The following CDH10 variants were observed in gnomAD, a reference collection of about 807,000 sequenced individuals.
The protein encoded by CDH10 is cadherin-10.
A neutral mutation model predicts 73.1 loss-of-function variants in CDH10; 30 were observed. The ratio of observed to expected loss-of-function variants is 0.41; its 90% CI spans 0.31 to 0.56. CDH10 has a LOEUF of 0.56. CDH10 is among the 20% of genes least tolerant of loss of function. The probability of loss-of-function intolerance (pLI) is 0.27; values close to 1 mark genes in which losing one functional copy is unlikely to be tolerated. For synonymous variants in CDH10, 345 were observed against 348.2 expected, an observed-to-expected ratio of 0.99 and a Z score of 0.10; for missense variants, 815 against 973.7, an observed-to-expected ratio of 0.84 and a Z score of 2.17.
At chr5:24,524,430 C>T (rs375658266) in intron 5 of CDH10, among the ~76,000 whole-genome samples, 19 of 152,216 alleles carry the variant, frequency 1.2e-4, no homozygotes, top group African/African-American at 4.6e-4. Context: ...TATGCGTACA[C>T]TGACAAAGGC....
chr5:24,601,054 A>G (rs953042810), intron 1 of CDH10, among the ~76,000 whole-genome samples: 21 of 152,132 alleles, frequency 1.4e-4, no homozygotes, highest in African/African-American at 4.6e-4. Context: ...AGAGCCATAT[A>G]TTAATATTAT....
chr5:24,500,278 C>G (rs1742442234), intron 8 of CDH10, among the ~76,000 whole-genome samples: 1 of 152,162 alleles, frequency 6.6e-6, no homozygotes, highest in African/African-American at 2.4e-5. Context: ...TAAGAACAGA[C>G]TGCTTAGCAG....
At chr5:24,506,072 G>T (rs1235225669) in intron 7 of CDH10, among the ~76,000 whole-genome samples, 15 of 147,610 alleles carry the variant, frequency 1.0e-4, no homozygotes, top group African/African-American at 3.3e-4. Context: ...AAGATTGCGT[G>T]CCACTGCACT....
chr5:24,501,315 A>C (rs1001985540), intron 8 of CDH10, among the ~76,000 whole-genome samples: 3 of 152,190 alleles, frequency 2.0e-5, no homozygotes, highest in African/African-American at 7.2e-5. Context: ...CAAGGCTCTT[A>C]AAATCAAAAG....
intron 1 of CDH10, chr5:24,613,028 T>C (rs1022621974): frequency 2.6e-5 from 4 of 152,120 alleles, no homozygotes; most frequent in Admixed American, 1.3e-4. Flanking sequence ...AGTAACTGAT[T>C]TGAGTGTCAT....
chr5:24,501,481 C>T (rs1444202335), intron 8 of CDH10, among the ~76,000 whole-genome samples: 2 of 152,168 alleles, frequency 1.3e-5, no homozygotes, highest in African/African-American at 4.8e-5. Context: ...AACTGAATAG[C>T]AGCTGGCATA....
At chr5:24,619,883 C>G (rs1008241984) in intron 1 of CDH10, among the ~76,000 whole-genome samples, 1 of 152,134 alleles carries the variant, frequency 6.6e-6, no homozygotes, top group African/African-American at 2.4e-5. Context: ...ACTGACTCTG[C>G]TCTCCTTCAT....
intron 5 of CDH10, among the ~76,000 whole-genome samples, chr5:24,511,865 T>G (rs763573871): frequency 2.6e-5 from 4 of 152,126 alleles, no homozygotes; most frequent in Non-Finnish European, 5.9e-5. Flanking sequence ...CCATTATCCT[T>G]AACACACTAA....
intron 2 of CDH10, among the ~76,000 whole-genome samples, chr5:24,570,058 G>A (rs949793303): frequency 6.6e-6 from 1 of 151,994 alleles, no homozygotes; most frequent in Non-Finnish European, 1.5e-5. Context: ...GAGCCACTGC[G>A]CCCGGCCAAC....
At chr5:24,499,059 C>T (rs1002584821) in intron 8 of CDH10, among the ~76,000 whole-genome samples, 1 of 152,064 alleles carries the variant, frequency 6.6e-6, no homozygotes, top group Non-Finnish European at 1.5e-5. Flanking sequence ...ATCTAAGGTC[C>T]TTCGCTCGTA....
chr5:24,584,512 C>T (rs1281626787), intron 2 of CDH10, among the ~76,000 whole-genome samples: 1 of 120,402 alleles, frequency 8.3e-6, no homozygotes, highest in Admixed American at 1.1e-4. Context: ...TGCTCTGTTG[C>T]CAGGCTGGAG....
At chr5:24,613,967 T>A (rs1747044930) in intron 1 of CDH10, among the ~76,000 whole-genome samples, 1 of 152,134 alleles carries the variant, frequency 6.6e-6, no homozygotes, top group African/African-American at 2.4e-5. Flanking sequence ...GAATTACCTA[T>A]TCAGAGAGAT....
rs556197798 is a variant in CDH10, at chr5:24,525,011, G to C, written c.814+10101C>G. On this transcript the variant is annotated intron_variant, in intron 5 of 11. Transcript: ENST00000264463. ...TGAATATTTAAAATACTGCCAATTTGTGTACAAGAGTTAAAAATAATTGAC... is the reference window on the plus strand; with the variant it reads ...TGAATATTTAAAATACTGCCAATTTCTGTACAAGAGTTAAAAATAATTGAC... Among the ~76,000 whole-genome samples the C allele has an allele frequency of 9.8e-4, 149 of 151,984 alleles. 1 individual carries two copies. Among genetic ancestry groups the C allele is most frequent in the Non-Finnish European group, 1.7e-3 (116 of 67,964 alleles).
chr5:24,544,447 A>G (rs1359385347), intron 2 of CDH10, among the ~76,000 whole-genome samples: 1 of 152,200 alleles, frequency 6.6e-6, no homozygotes, highest in Non-Finnish European at 1.5e-5. Flanking sequence ...GCAAGTTTTG[A>G]AGATTTAAAT....
At chr5:24,596,060 C>A (rs960869473) in intron 1 of CDH10, among the ~76,000 whole-genome samples, 6 of 151,918 alleles carry the variant, frequency 3.9e-5, no homozygotes, top group Non-Finnish European at 7.4e-5. Context: ...ATAAAGACTA[C>A]AGTATTTGAC....
intron 5 of CDH10, among the ~76,000 whole-genome samples, chr5:24,521,050 C>T (rs1436872510): frequency 1.3e-5 from 2 of 152,040 alleles, no homozygotes; most frequent in Non-Finnish European, 2.9e-5. Flanking sequence ...GGTAGCATTC[C>T]TGGCACTCAA....
At chr5:24,505,612 T>C (rs952509963) in intron 7 of CDH10, among the ~76,000 whole-genome samples, 7 of 152,318 alleles carry the variant, frequency 4.6e-5, no homozygotes, top group Admixed American at 4.6e-4. Flanking sequence ...TGAAGAATAA[T>C]ACAAAGATTT....
At chr5:24,526,535 G>GAA (rs1743539759) in intron 5 of CDH10, among the ~76,000 whole-genome samples, 1 of 151,502 alleles carries the variant, frequency 6.6e-6, no homozygotes, top group South Asian at 2.1e-4. Context: ...AAGTCCAGTT[G>GAA]AAATCCCTGT....
At chr5:24,609,781 G>A (rs1746883295) in intron 1 of CDH10, 1 of 152,230 alleles carries the variant, frequency 6.6e-6, no homozygotes, top group Admixed American at 6.5e-5. Flanking sequence ...ACCTTTTCCG[G>A]CCTGGCTGGA....
Sources: allele counts gnomAD v4.1 joint callset (sites outside exome capture counted in the v4.1 genomes callset), GRCh38; gene constraint gnomAD v4.1.1; transcripts MANE v1.5; gene names NCBI Gene and HGNC (gene_info 2026-07-23, HGNC 2026-07-21).